The following MYRIP variants were observed in gnomAD, a reference collection of about 807,000 sequenced individuals.
MYRIP encodes the protein rab effector MyRIP.
In MYRIP, 49 loss-of-function variants were observed where a neutral mutation model predicts 98.0. That is an observed-to-expected ratio of 0.50 (90% CI 0.40 to 0.63). The LOEUF is 0.63. Among genes scored for constraint, MYRIP ranks in the 30% least tolerant of loss-of-function variants. The pLI is 0.00. For synonymous variants in MYRIP, 404 were observed against 409.5 expected, an observed-to-expected ratio of 0.99 and a Z score of 0.16; for missense variants, 1,004 against 1,058.2, an observed-to-expected ratio of 0.95 and a Z score of 0.71.
intron 2 of MYRIP, among the ~76,000 whole-genome samples, chr3:39,909,473 C>G (rs1244518413): frequency 6.6e-6 from 1 of 151,996 alleles, no homozygotes; most frequent in Non-Finnish European, 1.5e-5. Flanking sequence ...GAAGAAGAGT[C>G]CAAAAGATGA....
intron 2 of MYRIP, among the ~76,000 whole-genome samples, chr3:39,947,439 A>C (rs927712974): frequency 5.3e-5 from 8 of 152,204 alleles, no homozygotes; most frequent in Non-Finnish European, 1.5e-5. Flanking sequence ...AAACCTCCCA[A>C]TAAGACTGTT....
intron 3 of MYRIP, among the ~76,000 whole-genome samples, chr3:40,129,302 A>G (rs1003833471): frequency 1.3e-5 from 2 of 151,670 alleles, no homozygotes; most frequent in Non-Finnish European, 1.5e-5. Context: ...TTAGCCAGGC[A>G]TAGTGGGGGG....
chr3:39,993,002 C>G (rs1249366725), intron 2 of MYRIP, among the ~76,000 whole-genome samples: 1 of 152,124 alleles, frequency 6.6e-6, no homozygotes, highest in Non-Finnish European at 1.5e-5. Context: ...GTGTCTCAGA[C>G]CATTTTGTGC....
rs574169440 is a variant in MYRIP, at chr3:40,173,090, T to G, written c.873+2997T>G. On this transcript the variant is annotated intron_variant, in intron 8 of 16. Coordinates refer to ENST00000302541, the MANE Select transcript of MYRIP (RefSeq NM_015460.4). ...TCATCACAAAAAGCTTAAACAGTAA[T>G]GTTAATAATGGAGTGATGGTCAGGT... 14 of 152,272 alleles carry G rather than the reference T, an allele frequency of 9.2e-5. No homozygotes were observed. The East Asian group carries it at 2.5e-3, about 27-fold the overall frequency. The allele number at this position is 152,272 out of a possible 1,614,324, so 9.4% of individuals were successfully genotyped here.
intron 9 of MYRIP, among the ~76,000 whole-genome samples, 169 bp downstream of exon 9, chr3:40,182,542 A>C (rs185341994): frequency 6.6e-6 from 1 of 152,208 alleles, no homozygotes; most frequent in Admixed American, 6.5e-5. Context: ...ACAATATATA[A>C]TGTGGTCATG....
intron 1 of MYRIP, among the ~76,000 whole-genome samples, chr3:39,876,689 T>C (rs1310553778): frequency 3.9e-5 from 6 of 152,116 alleles, no homozygotes; most frequent in Non-Finnish European, 8.8e-5. Flanking sequence ...TTCTGGCTTG[T>C]AGAGTTTCTG....
At chr3:40,139,849 G>A (rs933552925) in intron 3 of MYRIP, among the ~76,000 whole-genome samples, 2 of 152,112 alleles carry the variant, frequency 1.3e-5, no homozygotes, top group Non-Finnish European at 2.9e-5. Flanking sequence ...CAAAGTGCTG[G>A]GATTACAGAT....
At chr3:40,228,288 TAA>T (rs1311959896) in intron 11 of MYRIP, among the ~76,000 whole-genome samples, 1 of 152,230 alleles carries the variant, frequency 6.6e-6, no homozygotes, top group Non-Finnish European at 1.5e-5. Context: ...CTTTCCTCCA[TAA>T]AACATATTTA....
intron 4 of MYRIP, among the ~76,000 whole-genome samples, chr3:40,160,220 C>A (rs1453428911): frequency 6.6e-6 from 1 of 152,206 alleles, no homozygotes; most frequent in Non-Finnish European, 1.5e-5. Context: ...ACAGACAGGA[C>A]CCTCAGCTGC....
At chr3:39,896,107 A>G (rs1295881167) in intron 1 of MYRIP, among the ~76,000 whole-genome samples, 1 of 149,494 alleles carries the variant, frequency 6.7e-6, no homozygotes, top group Non-Finnish European at 1.5e-5. Context: ...ATAAATGGAA[A>G]CAAAAAACAA....
intron 16 of MYRIP, among the ~76,000 whole-genome samples, chr3:40,254,482 G>A (rs1188914549): frequency 1.3e-5 from 2 of 151,542 alleles, no homozygotes; most frequent in African/African-American, 4.9e-5. Flanking sequence ...TTGTGTCTGG[G>A]GGGGGTGGGG....
At chr3:40,244,418 G>T (rs1198276308) in intron 12 of MYRIP, 28 bp from the exon 13 acceptor site, 1 of 1,581,984 alleles carries the variant, frequency 6.3e-7, no homozygotes, top group South Asian at 1.2e-5. Flanking sequence ...CTGCAGACAT[G>T]AACTCAAATG....
intron 2 of MYRIP, among the ~76,000 whole-genome samples, chr3:39,990,899 G>T (rs1295482023): frequency 6.6e-6 from 1 of 152,138 alleles, no homozygotes; most frequent in Non-Finnish European, 1.5e-5. Context: ...ACTGTCACAA[G>T]ATCAGAAAAC....
intron 1 of MYRIP, among the ~76,000 whole-genome samples, chr3:39,862,045 T>G (rs555630482): frequency 6.6e-6 from 1 of 152,234 alleles, no homozygotes; most frequent in South Asian, 2.1e-4. Context: ...AGTTATCAGA[T>G]TCTCCAAGGT....
At chr3:39,999,967 A>G (rs940150404) in intron 2 of MYRIP, among the ~76,000 whole-genome samples, 43 of 146,982 alleles carry the variant, frequency 2.9e-4, no homozygotes, top group Middle Eastern at 3.4e-3. Flanking sequence ...ATAGGTGGGA[A>G]TTGAACAATG....
At chr3:39,900,477 T>C (rs1184579346) in intron 1 of MYRIP, among the ~76,000 whole-genome samples, 1 of 152,118 alleles carries the variant, frequency 6.6e-6, no homozygotes, top group East Asian at 1.9e-4. Flanking sequence ...CTTTTAGATA[T>C]TGCCTTTTGG....
intron 3 of MYRIP, among the ~76,000 whole-genome samples, chr3:40,114,143 T>TCAGTGAACAACATACTG (rs1949220810): frequency 1.3e-5 from 2 of 152,190 alleles, no homozygotes; most frequent in Admixed American, 6.5e-5. Flanking sequence ...TAACAACATT[T>TCAGTGAACAACATACTG]CAGTGAACAA....
chr3:40,031,178 A>G (rs1471829874), intron 2 of MYRIP, among the ~76,000 whole-genome samples: 1 of 152,100 alleles, frequency 6.6e-6, no homozygotes, highest in Non-Finnish European at 1.5e-5. Context: ...TTCCTGGTTC[A>G]TAGATAATGT....
chr3:39,886,987 G>A (rs1218220193), intron 1 of MYRIP, among the ~76,000 whole-genome samples: 1 of 151,734 alleles, frequency 6.6e-6, no homozygotes, highest in East Asian at 1.9e-4. Context: ...ATAACAAACT[G>A]TCTCTCAGAC....
Sources: gnomAD v4.1 joint callset for allele counts (sites outside exome capture counted in the v4.1 genomes callset) on GRCh38, gnomAD v4.1.1 for gene constraint, MANE v1.5 for transcripts, NCBI Gene and HGNC (gene_info 2026-07-23, HGNC 2026-07-21) for gene names.